The following ITPR3 variants were observed in gnomAD, a reference collection of about 807,000 sequenced individuals.
The protein encoded by ITPR3 is inositol 1,4,5-trisphosphate receptor type 3.
In ITPR3, 173 loss-of-function variants were observed where a neutral mutation model predicts 293.2. That is an observed-to-expected ratio of 0.59 (90% CI 0.52 to 0.67). The LOEUF is 0.67. Among genes scored for constraint, ITPR3 ranks in the 30% least tolerant of loss-of-function variants. The pLI, the probability that ITPR3 is intolerant of heterozygous loss-of-function variation, is 0.00. For synonymous variants in ITPR3, 1,295 were observed against 1,444.4 expected (o/e 0.90, Z 2.35); for missense variants, 2,796 against 3,592.1 (o/e 0.78, Z 5.66).
chr6:33,635,342 A>C (rs1040893575), intron 1 of ITPR3, among the ~76,000 whole-genome samples: 2 of 152,142 alleles, frequency 1.3e-5, no homozygotes, highest in African/African-American at 4.8e-5. Flanking sequence ...ATGAGATTTT[A>C]AACTACCTGA....
intron 1 of ITPR3, among the ~76,000 whole-genome samples, chr6:33,622,664 G>A (rs1763466160): frequency 6.6e-6 from 1 of 152,158 alleles, no homozygotes; most frequent in Non-Finnish European, 1.5e-5. Context: ...GATCCACTGA[G>A]TGGGACCAGC....
At chr6:33,629,482 CT>C (rs571746597) in intron 1 of ITPR3, among the ~76,000 whole-genome samples, 6,517 of 138,512 alleles carry the variant, frequency 0.047, 312 homozygotes, top group African/African-American at 0.13. Context: ...CCATTGGTTT[CT>C]TTTTTTTTTT....
rs750358084 is a variant in ITPR3 at position 33,692,936 on chromosome 6, G to C, written c.7624+43G>C. On this transcript the variant is annotated intron_variant, in intron 55 of 57. Coordinates refer to ENST00000605930, the MANE Select transcript of ITPR3 (RefSeq NM_002224.4). The surrounding 1 kb of genome is among the most constrained non-coding windows in gnomAD (Gnocchi z 4.2). ...CTCTGTGGAGGCCGCAGCGGGGCTG[G>C]AACGTCATCTGATGCCAGTGGCAGT... 4 of 1,601,016 alleles carry C rather than the reference G, an allele frequency of 2.5e-6. No individual in the cohort carries two copies. In the South Asian group the frequency reaches 3.3e-5, roughly 13 times the overall value.
In ITPR3 at chr6:33,670,759, G is replaced by A. The variant is rs779282708; in HGVS notation, c.2530G>A (p.Val844Ile). The change falls in exon 20 of 58, where the codon GTA becomes ATA. Residue 844 changes from valine (V) to isoleucine (I), a missense_variant. By Grantham distance (29) the Val-to-Ile change is conservative. This residue lies in a region of ITPR3 where 955 missense variants were observed against 1,180.8 expected (regional missense o/e 0.81). Coordinates refer to ENST00000605930, the MANE Select transcript of ITPR3 (RefSeq NM_002224.4). The surrounding 1 kb of genome is among the most constrained non-coding windows in gnomAD (Gnocchi z 6.7). The stretch of plus-strand genomic sequence containing the variant: ...GTTCGTGGAGGACTACCTCAACAAT[G>A]TAGTCAGCGAGGCCGTGCCCTTTGC... ...MEFVEDYLNN[V>I]VSEAVPFANE... The A allele has an allele frequency of 6.2e-7, 1 of 1,614,152 alleles. No individual in the cohort carries two copies. The highest frequency in any genetic ancestry group is 8.5e-7 in the Non-Finnish European group (1 of 1,180,044).
chr6:33,630,201 C>T (rs777952273), intron 1 of ITPR3, among the ~76,000 whole-genome samples: 11 of 152,206 alleles, frequency 7.2e-5, no homozygotes, highest in Non-Finnish European at 1.3e-4. Context: ...CCTTTTCCAC[C>T]ATGAACACTG....
At chr6:33,674,068 G>T in intron 23 of ITPR3, 140 bp from the exon 24 acceptor site, 2 of 1,039,214 alleles carry the variant, frequency 1.9e-6, no homozygotes, top group Non-Finnish European at 2.9e-6. Flanking sequence ...TCCCCTACTT[G>T]GTTCCTTCCC....
Position 33,679,234 on chromosome 6 carries a change from C to T in ITPR3, c.3972+395C>T, listed in dbSNP as rs76390897. 0.019 allele frequency among the ~76,000 whole-genome samples: 2,859 copies of T among 152,276 alleles called. 64 individuals are homozygous for T. The highest frequency in any genetic ancestry group is 0.1 in the South Asian group (495 of 4,814). ...GGGGGGCACGGGCAGGGACCCCATC[C>T]TTTGTGTGCATCGCCAGGGCCCCAG... On this transcript the variant is annotated intron_variant, in intron 30 of 57. Transcript: ENST00000605930. The surrounding 1 kb of genome is among the most constrained non-coding windows in gnomAD (Gnocchi z 4.2).
rs1561867321 is a variant in ITPR3, at chr6:33,667,833, T to A, written c.1755T>A (p.Ile585=). The stretch of plus-strand genomic sequence containing the variant: ...AGTTTGGGATGATGCAGTCCCAGAT[T>A]GGCTACGACATCCTGGCCGAGGACA... The part of the protein sequence containing the change: ...AKQFGMMQSQ[I]GYDILAEDTI... Residue 585 remains isoleucine, a synonymous_variant, in exon 16 of 58, where the codon ATT becomes ATA. Coordinates refer to ENST00000605930, the MANE Select transcript of ITPR3 (RefSeq NM_002224.4). The surrounding 1 kb of genome is among the most constrained non-coding windows in gnomAD (Gnocchi z 4.4). The A allele has an allele frequency of 1.2e-6, 2 of 1,614,124 alleles. No homozygotes were observed. Among genetic ancestry groups the A allele is most frequent in the Non-Finnish European group, 1.7e-6 (2 of 1,180,004 alleles).
At chr6:33,637,782 C>G (rs2151287448) in intron 1 of ITPR3, among the ~76,000 whole-genome samples, 1 of 151,842 alleles carries the variant, frequency 6.6e-6, no homozygotes, top group Non-Finnish European at 1.5e-5. Flanking sequence ...AGTGCGTGTG[C>G]CACCACACCC....
rs747601330 is a variant in ITPR3, at chr6:33,689,211, C to T, written c.6695-27C>T. 23 of 1,603,006 alleles carry T rather than the reference C, an allele frequency of 1.4e-5. No homozygotes were observed. In the South Asian group the frequency reaches 2.5e-4, roughly 18 times the overall value. On this transcript the variant is annotated intron_variant, in intron 49 of 57. Coordinates refer to ENST00000605930, the MANE Select transcript of ITPR3 (RefSeq NM_002224.4). ...GGGGCCGTGGTGGGCTTGAGGGAGC[C>T]CTGCTCACCCTGCCCCTGGCCCCCA...
intron 1 of ITPR3, among the ~76,000 whole-genome samples, chr6:33,629,874 C>T (rs998079235): frequency 6.6e-6 from 1 of 151,936 alleles, no homozygotes; most frequent in African/African-American, 2.4e-5. Context: ...AGGCGGATCA[C>T]GAGGTCAAGA....
chr6:33,692,078 A>C lies in ITPR3; in HGVS notation c.7458+150A>C, dbSNP rs181275844. ...GTATCCACTTTTCCCTGCTTTCCAC[A>C]CCTGGCCAATTCCATGATATTACTG... On this transcript the variant is annotated intron_variant, in intron 54 of 57. Transcript: ENST00000605930. This position sits in a 1 kb window ranked among gnomAD's most constrained non-coding sequence, Gnocchi z 4.2. 303 of 1,014,186 alleles carry C rather than the reference A, an allele frequency of 3.0e-4. 3 individuals are homozygous for C. The highest frequency in any genetic ancestry group is 2.0e-3 in the Admixed American group (103 of 52,802). The allele number at this position is 1,014,186 out of a possible 1,614,324, so 62.8% of individuals were successfully genotyped here. A position where few individuals can be genotyped will look rare whatever the true frequency, so the allele number is the denominator to read the frequency against.
Position 33,667,945 on chromosome 6 carries a change from C to G in ITPR3, c.1867C>G (p.Arg623Gly), listed in dbSNP as rs1260271779. 6.2e-7 allele frequency: 1 copy of G among 1,614,070 alleles called. No individual in the cohort carries two copies. Among genetic ancestry groups the G allele is most frequent in the Non-Finnish European group, 8.5e-7 (1 of 1,180,046 alleles). ...GGTGGAGACCTTCGTCAGCCTTGTG[C>G]GCAAGAACCGGGAGCCCAGGTGGGC... ...TEVETFVSLV[R>G]KNREPRFLDY... Residue 623 changes from arginine to glycine, a missense_variant, in exon 16 of 58, where the codon CGC (arginine) becomes GGC (glycine). By Grantham distance (125) the Arg-to-Gly change is moderately radical. Transcript: ENST00000605930. The surrounding 1 kb of genome is among the most constrained non-coding windows in gnomAD (Gnocchi z 4.4).
rs1437392298 is a variant in ITPR3, at chr6:33,664,679, G to C, written c.1149-191G>C. Reference sequence around the variant, plus strand: ...TGGTCAGGACGGGGCCTGGGCGCAGGGCTAGCTCTGGCTGTTCTTATCTGG... The same window carrying C: ...TGGTCAGGACGGGGCCTGGGCGCAGCGCTAGCTCTGGCTGTTCTTATCTGG... On this transcript the variant is annotated intron_variant, in intron 11 of 57. Coordinates refer to ENST00000605930, the MANE Select transcript of ITPR3 (RefSeq NM_002224.4). The surrounding 1 kb of genome is among the most constrained non-coding windows in gnomAD (Gnocchi z 4.4). Among the ~76,000 whole-genome samples, 1 of 152,118 alleles carries C rather than the reference G, an allele frequency of 6.6e-6. No individual in the cohort carries two copies. Among genetic ancestry groups the C allele is most frequent in the African/African-American group, 2.4e-5 (1 of 41,414 alleles).
chr6:33,693,986 G>A (rs1326393918), intron 56 of ITPR3, among the ~76,000 whole-genome samples: 1 of 152,212 alleles, frequency 6.6e-6, no homozygotes, highest in Non-Finnish European at 1.5e-5. Context: ...TGGGTGTCAG[G>A]AAAAATCCCA....
rs1255656570 is a variant in ITPR3 at position 33,633,153 on chromosome 6, G to A, written c.90-7331G>A. Among the ~76,000 whole-genome samples, 6 of 152,224 alleles carry A rather than the reference G, an allele frequency of 3.9e-5. No individual in the cohort carries two copies. The highest frequency in any genetic ancestry group is 7.3e-5 in the Non-Finnish European group (5 of 68,036). On this transcript the variant is annotated intron_variant, in intron 1 of 57. Transcript: ENST00000605930. The surrounding 1 kb of genome is among the most constrained non-coding windows in gnomAD (Gnocchi z 5.2). ...GTGAGGGGCGATGCCGGTGGTGGGC[G>A]TAGCGGGGCGTGGGCAGGGAACCAC...
At chr6:33,677,879 C>T (rs1764952548) in intron 28 of ITPR3, among the ~76,000 whole-genome samples, 1 of 152,132 alleles carries the variant, frequency 6.6e-6, no homozygotes. Flanking sequence ...TGATTCTTGA[C>T]CTTGACTCCC....
chr6:33,665,773 C>T, intron 13 of ITPR3, 62 bp from the exon 14 acceptor site: 1 of 1,596,626 alleles, frequency 6.3e-7, no homozygotes, highest in Non-Finnish European at 8.6e-7. Flanking sequence ...GACTGGCTCC[C>T]CAAGAGGGAC....
chr6:33,682,575 G>C lies in ITPR3; in HGVS notation c.4528G>C (p.Glu1510Gln). Residue 1510 changes from glutamate to glutamine, a missense_variant, in exon 34 of 58, where the codon GAG becomes CAG. Around this residue, in one of 8 missense-constraint regions of ITPR3, gnomAD observed 704 missense variants for 797.5 expected, o/e 0.88. Coordinates refer to ENST00000605930, the MANE Select transcript of ITPR3 (RefSeq NM_002224.4). This position sits in a 1 kb window ranked among gnomAD's most constrained non-coding sequence, Gnocchi z 5.4. ...QLLQSTTRLL[E>Q]CPWLQQQHKG... ...GCTGCAGTCTACCACACGCCTCCTC[G>C]AGTGTCCGTGGCTACAGCAGCAGCA... The C allele has an allele frequency of 6.3e-7, 1 of 1,591,028 alleles. No individual in the cohort carries two copies. The highest frequency in any genetic ancestry group is 8.6e-7 in the Non-Finnish European group (1 of 1,168,670).
Sources: gnomAD v4.1 joint callset for allele counts (sites outside exome capture counted in the v4.1 genomes callset) on GRCh38, gnomAD v4.1.1 for gene constraint, gnomAD v4.1.1 regional missense constraint, Gnocchi (gnomAD v3.1) non-coding constraint, MANE v1.5 for transcripts, NCBI Gene and HGNC (gene_info 2026-07-23, HGNC 2026-07-21) for gene names.